AK5: variants seen among roughly 807,000 people sequenced by gnomAD.
The protein encoded by AK5 is adenylate kinase isoenzyme 5.
Under a neutral mutation model 69.5 loss-of-function variants are expected in AK5, and 27 were observed. That is an observed-to-expected ratio of 0.39 (90% CI 0.29 to 0.54). AK5 has a LOEUF of 0.54. Among genes scored for constraint, AK5 ranks in the 20% least tolerant of loss-of-function variants. The probability of loss-of-function intolerance (pLI) is 0.71; values close to 1 mark genes in which losing one functional copy is unlikely to be tolerated. For synonymous variants in AK5, 260 were observed against 244.4 expected (o/e 1.06, Z -0.60); for missense variants, 531 against 700.4 (o/e 0.76, Z 2.73).
At position 77,287,014 on chromosome 1, in the gene AK5, T is replaced by C. The variant is rs1383303507; in HGVS notation, c.134T>C (p.Val45Ala). Residue 45 changes from valine to alanine, a missense_variant, in exon 2 of 14, where the codon GTA becomes GCA. Coordinates refer to ENST00000354567, the MANE Select transcript of AK5 (RefSeq NM_174858.3). ...VEYLESCLQK[V>A]KELGGCDKVK... ...TACTTGGAAAGTTGTTTACAAAAAG[T>C]AAAGGAACTGGGTGGCTGTGACAAG... 1 of 1,609,410 alleles carries C rather than the reference T, an allele frequency of 6.2e-7. No individual in the cohort carries two copies. The highest frequency in any genetic ancestry group is 2.2e-5 in the East Asian group (1 of 44,582).
In AK5 at chr1:77,476,013, A is replaced by G. The variant is rs114733505; in HGVS notation, c.1060-7304A>G. Among the ~76,000 whole-genome samples the G allele has an allele frequency of 7.3e-3, 1,117 of 152,294 alleles. 17 individuals carry two copies. The highest frequency in any genetic ancestry group is 0.026 in the African/African-American group (1,073 of 41,564). ...TCTTATTAGAGACACTAATATTGCA[A>G]TTTATATGTAAGAGAAGAAAAATAC... On this transcript the variant is annotated intron_variant, in intron 8 of 13. Transcript: ENST00000354567.
chr1:77,329,885 A>C (rs1040423713), intron 5 of AK5, among the ~76,000 whole-genome samples: 3 of 152,220 alleles, frequency 2.0e-5, no homozygotes, highest in Non-Finnish European at 4.4e-5. Flanking sequence ...CCAGAGAACC[A>C]TAAACTCTGT....
At chr1:77,532,079 C>G (rs1403512403) in intron 12 of AK5, 2 of 152,592 alleles carry the variant, frequency 1.3e-5, no homozygotes, top group Non-Finnish European at 2.9e-5. Flanking sequence ...GCGCTGCGCA[C>G]AGTCCCGGTT....
chr1:77,359,996 T>A (rs61783074), intron 6 of AK5, among the ~76,000 whole-genome samples: 14,452 of 152,060 alleles, frequency 0.095, 807 homozygotes, highest in Middle Eastern at 0.17. Flanking sequence ...AGTTTACCAA[T>A]ACTCAGAAGA....
chr1:77,342,265 C>A (rs1570410332), intron 6 of AK5, among the ~76,000 whole-genome samples: 1 of 152,160 alleles, frequency 6.6e-6, no homozygotes, highest in East Asian at 1.9e-4. Flanking sequence ...CAAACCCCAA[C>A]TGTAAGGTGC....
chr1:77,367,610 A>AAT (rs1491245469), intron 6 of AK5, among the ~76,000 whole-genome samples: 1 of 55,414 alleles, frequency 1.8e-5, no homozygotes, highest in African/African-American at 1.1e-4. Context: ...ATATATATGT[A>AAT]ATATATATGT....
At chr1:77,350,367 G>T (rs1662129468) in intron 6 of AK5, among the ~76,000 whole-genome samples, 1 of 152,234 alleles carries the variant, frequency 6.6e-6, no homozygotes, top group South Asian at 2.1e-4. Context: ...GTAGAACAGA[G>T]TAGTGAGAAG....
intron 12 of AK5, among the ~76,000 whole-genome samples, chr1:77,526,778 C>CT (rs879389835): frequency 1.2e-3 from 169 of 141,130 alleles, no homozygotes; most frequent in Middle Eastern, 7.6e-3. Context: ...CTGGCCAAGT[C>CT]TTTTTTTTTT....
chr1:77,482,827 A>G (rs941039358), intron 8 of AK5, among the ~76,000 whole-genome samples: 1 of 151,624 alleles, frequency 6.6e-6, no homozygotes, highest in African/African-American at 2.4e-5. Context: ...AATGATGAAA[A>G]TAGTTACTAT....
At chr1:77,507,868 A>G (rs1420861092) in intron 10 of AK5, among the ~76,000 whole-genome samples, 2 of 152,192 alleles carry the variant, frequency 1.3e-5, no homozygotes, top group African/African-American at 4.8e-5. Context: ...CTTTTTTATT[A>G]TGAAAATATT....
intron 13 of AK5, among the ~76,000 whole-genome samples, chr1:77,547,011 A>G (rs1390267538): frequency 6.6e-6 from 1 of 152,214 alleles, no homozygotes; most frequent in African/African-American, 2.4e-5. Context: ...AGATGAGACT[A>G]AAGAGCAAGA....
intron 8 of AK5, among the ~76,000 whole-genome samples, chr1:77,443,675 G>A (rs1465939451): frequency 1.7e-5 from 2 of 116,414 alleles, no homozygotes; most frequent in East Asian, 4.5e-4. Context: ...ACTGTGGGGA[G>A]TCTGTGTGTG....
chr1:77,480,262 C>T (rs1302057634), intron 8 of AK5, among the ~76,000 whole-genome samples: 3 of 152,174 alleles, frequency 2.0e-5, no homozygotes, highest in Non-Finnish European at 4.4e-5. Context: ...TTCACCTGGG[C>T]TTTCATGTCA....
chr1:77,308,118 C>A (rs1659743932), intron 5 of AK5, among the ~76,000 whole-genome samples: 1 of 152,056 alleles, frequency 6.6e-6, no homozygotes, highest in Non-Finnish European at 1.5e-5. Context: ...ATCAAGTGGT[C>A]AGTCATGGGT....
chr1:77,439,784 G>GTATACATGTA (rs1652202144), intron 8 of AK5, among the ~76,000 whole-genome samples: 2 of 149,530 alleles, frequency 1.3e-5, no homozygotes, highest in Admixed American at 6.7e-5. Context: ...ATATATGTAT[G>GTATACATGTA]TATACATGTA....
At chr1:77,380,093 A>G (rs1647526132) in intron 6 of AK5, among the ~76,000 whole-genome samples, 1 of 152,220 alleles carries the variant, frequency 6.6e-6, no homozygotes, top group African/African-American at 2.4e-5. Context: ...ACACTGAATG[A>G]GCCAGCTGAA....
chr1:77,490,963 A>C (rs1311459564), intron 10 of AK5, among the ~76,000 whole-genome samples: 1 of 152,028 alleles, frequency 6.6e-6, no homozygotes. Flanking sequence ...AACACATCTG[A>C]CTTTTCAGGT....
At chr1:77,308,570 T>C (rs949779514) in intron 5 of AK5, among the ~76,000 whole-genome samples, 1 of 152,148 alleles carries the variant, frequency 6.6e-6, no homozygotes, top group Admixed American at 6.5e-5. Context: ...AACATGCTGC[T>C]AGCCAAGATT....
At chr1:77,354,881 A>G (rs1349692661) in intron 6 of AK5, among the ~76,000 whole-genome samples, 1 of 152,238 alleles carries the variant, frequency 6.6e-6, no homozygotes, top group Non-Finnish European at 1.5e-5. Flanking sequence ...TTGTAAAGAA[A>G]AAATCTTGTA....
Sources: gnomAD v4.1 joint callset for allele counts (sites outside exome capture counted in the v4.1 genomes callset) on GRCh38, gnomAD v4.1.1 for gene constraint, MANE v1.5 for transcripts, NCBI Gene and HGNC (gene_info 2026-07-23, HGNC 2026-07-21) for gene names.